Variants in NTRK3 observed in about 807,000 individuals in gnomAD.
The protein encoded by NTRK3 is neurotrophic receptor tyrosine kinase 3.
Under a neutral mutation model 91.7 loss-of-function variants are expected in NTRK3, and 24 were observed. The observed-to-expected ratio is 0.26, with a 90% CI of 0.19 to 0.37. The LOEUF (loss-of-function observed/expected upper bound fraction) is 0.37. Ranked by LOEUF, NTRK3 falls within the 10% of genes least tolerant of loss-of-function variation. The pLI is 1.00. For missense variants in NTRK3, 880 were observed against 1,068.9 expected, an observed-to-expected ratio of 0.82 and a Z score of 2.46; for synonymous variants, 483 against 404.0, an observed-to-expected ratio of 1.20 and a Z score of -2.34.
At chr15:87,973,907 T>C (rs1246269305) in intron 14 of NTRK3, among the ~76,000 whole-genome samples, 1 of 152,170 alleles carries the variant, frequency 6.6e-6, no homozygotes, top group African/African-American at 2.4e-5. Context: ...TGTGCGAGTC[T>C]AGCCAGAGCA....
At chr15:88,136,738 T>A in intron 7 of NTRK3, 129 bp from the exon 8 acceptor site, 1 of 1,155,278 alleles carries the variant, frequency 8.7e-7, no homozygotes, top group Non-Finnish European at 1.2e-6. Flanking sequence ...CTGCTTGAGT[T>A]CTTGGAAGAC....
chr15:88,155,881 A>G (rs995045009), intron 5 of NTRK3, among the ~76,000 whole-genome samples: 1 of 152,064 alleles, frequency 6.6e-6, no homozygotes, highest in Non-Finnish European at 1.5e-5. Flanking sequence ...TTTTTGTACT[A>G]AGTCTTTAAA....
intron 5 of NTRK3, among the ~76,000 whole-genome samples, chr15:88,148,939 T>C (rs960623950): frequency 2.0e-5 from 3 of 152,248 alleles, no homozygotes; most frequent in Non-Finnish European, 4.4e-5. Context: ...AGGTAAATGG[T>C]GACATCATTG....
At chr15:88,211,751 G>C (rs1313712952) in intron 3 of NTRK3, among the ~76,000 whole-genome samples, 2 of 152,166 alleles carry the variant, frequency 1.3e-5, no homozygotes, top group Non-Finnish European at 2.9e-5. Context: ...GTCAGCTGTA[G>C]AGATAAACAT....
intron 14 of NTRK3, chr15:87,978,822 C>T (rs1016890105): frequency 8.5e-6 from 2 of 236,500 alleles, no homozygotes; most frequent in Non-Finnish European, 1.7e-5. Flanking sequence ...CTTACCGCGC[C>T]GTCTCCACCT....
At chr15:88,231,986 C>T (rs1386401055) in intron 3 of NTRK3, among the ~76,000 whole-genome samples, 1 of 152,208 alleles carries the variant, frequency 6.6e-6, no homozygotes, top group African/African-American at 2.4e-5. Flanking sequence ...TGACTCCAGT[C>T]ACTAACCGGA....
At chr15:88,053,407 C>G (rs1002550407) in intron 13 of NTRK3, among the ~76,000 whole-genome samples, 2 of 152,198 alleles carry the variant, frequency 1.3e-5, no homozygotes, top group Non-Finnish European at 2.9e-5. Context: ...GTTCCTGGGA[C>G]TGACAGCCGG....
intron 14 of NTRK3, 43 bp from the exon 15 acceptor site, chr15:87,940,796 G>A (rs760491307): frequency 3.5e-5 from 56 of 1,613,510 alleles, no homozygotes; most frequent in South Asian, 4.4e-5. Context: ...ATCAGTCCTC[G>A]TTTGGTGACA....
At chr15:87,949,486 A>AAGAC (rs1184867485) in intron 14 of NTRK3, among the ~76,000 whole-genome samples, 1 of 151,928 alleles carries the variant, frequency 6.6e-6, no homozygotes, top group Non-Finnish European at 1.5e-5. Context: ...ACATATAAAT[A>AAGAC]AGACACCCTG....
In NTRK3 at chr15:88,241,455, G is replaced by A. The variant is rs1417401793; in HGVS notation, c.248+14451C>T. ...GAGACAGAACATGACCCCGGAAAAT[G>A]AACCCTAGATGCAAATCAGGGAGTC... is the stretch of plus-strand genomic sequence containing the variant. On this transcript the variant is annotated intron_variant, in intron 3 of 18. Coordinates refer to ENST00000394480, the Ensembl canonical transcript of NTRK3. The surrounding 1 kb of genome is among the most constrained non-coding windows in gnomAD (Gnocchi z 4.3). Among the ~76,000 whole-genome samples, 3 of 152,116 alleles carry A rather than the reference G, an allele frequency of 2.0e-5. No homozygotes were observed. The highest frequency in any genetic ancestry group is 2.0e-4 in the Admixed American group (3 of 15,282).
chr15:88,045,661 G>T (rs1420550598), intron 13 of NTRK3, among the ~76,000 whole-genome samples: 1 of 152,146 alleles, frequency 6.6e-6, no homozygotes, highest in Non-Finnish European at 1.5e-5. Context: ...GGAAATCAAG[G>T]TACCAGCCAG....
At chr15:88,180,664 C>T (rs2046374668) in intron 5 of NTRK3, among the ~76,000 whole-genome samples, 1 of 138,498 alleles carries the variant, frequency 7.2e-6, no homozygotes, top group South Asian at 2.5e-4. Context: ...GAAGAAAAGA[C>T]TTCTCAGCCA....
At chr15:88,060,459 C>T (rs1057104036) in intron 13 of NTRK3, among the ~76,000 whole-genome samples, 15 of 151,158 alleles carry the variant, frequency 9.9e-5, no homozygotes, top group Non-Finnish European at 1.6e-4. Flanking sequence ...GGGAAGCACA[C>T]GTGCAAAGTC....
intron 14 of NTRK3, among the ~76,000 whole-genome samples, chr15:88,018,091 T>G (rs2077362455): frequency 6.6e-6 from 1 of 152,040 alleles, no homozygotes; most frequent in African/African-American, 2.4e-5. Flanking sequence ...CAAAAATAGG[T>G]CAACTTGGAT....
At chr15:88,109,801 T>C (rs979264477) in intron 13 of NTRK3, among the ~76,000 whole-genome samples, 4 of 152,090 alleles carry the variant, frequency 2.6e-5, no homozygotes, top group African/African-American at 9.7e-5. Flanking sequence ...AAGATCCCCA[T>C]GCGATTCTAC....
rs577940163 is a variant in NTRK3 at position 87,936,161 on chromosome 15, A to G, written c.1717-2977T>C. On this transcript the variant is annotated intron_variant, in intron 15 of 18. Transcript: ENST00000394480. ...ATGGGTCACCAGTCAGTGGCATGGG[A>G]AAGAACCGATTTATCATAGTTACCA... Among the ~76,000 whole-genome samples, 6 of 152,266 alleles carry G rather than the reference A, an allele frequency of 3.9e-5. No homozygotes were observed. In the South Asian group the frequency reaches 1.0e-3, roughly 26 times the overall value.
At chr15:87,874,826 C>T (rs1177676977) in exon 19 of NTRK3, 1 of 231,422 alleles carries the variant, frequency 4.3e-6, no homozygotes, top group Non-Finnish European at 8.5e-6. Context: ...GAGTAATTGT[C>T]ATAGGACAGC....
rs1264840038 is a variant in NTRK3 at position 88,256,267 on chromosome 15, G to A, written c.-16+17C>T. On this transcript the variant is annotated intron_variant, in intron 2 of 18. Transcript: ENST00000394480. ...AAGACGGCGAGGGAGGGGGGAAGGGGGAGGGGGGGCCTCTGCCTTTGAAAC... is the reference window on the plus strand; with the variant it reads ...AAGACGGCGAGGGAGGGGGGAAGGGAGAGGGGGGGCCTCTGCCTTTGAAAC... 1.5e-5 allele frequency: 5 copies of A among 330,364 alleles called. No homozygotes were observed. Among genetic ancestry groups the A allele is most frequent in the African/African-American group, 9.8e-5 (4 of 40,728 alleles). The allele number at this position is 330,364 out of a possible 1,614,324, so 20.5% of individuals were successfully genotyped here. A position where few individuals can be genotyped will look rare whatever the true frequency, so the allele number is the denominator to read the frequency against.
chr15:88,161,545 T>A (rs1020994704), intron 5 of NTRK3, among the ~76,000 whole-genome samples: 2 of 152,154 alleles, frequency 1.3e-5, no homozygotes, highest in Non-Finnish European at 2.9e-5. Context: ...GAGAGGGGAA[T>A]TGGAGTCCAA....
Sources: gnomAD v4.1 joint callset for allele counts (sites outside exome capture counted in the v4.1 genomes callset) on GRCh38, gnomAD v4.1.1 for gene constraint, Gnocchi (gnomAD v3.1) non-coding constraint, MANE v1.5 for transcripts, NCBI Gene and HGNC (gene_info 2026-07-23, HGNC 2026-07-21) for gene names.